The following MYH11 variants were observed in gnomAD, a reference collection of about 807,000 sequenced individuals.
The protein encoded by MYH11 is myosin heavy chain 11, also known as myosin-11.
A neutral mutation model predicts 246.6 loss-of-function variants in MYH11; 80 were observed. The ratio of observed to expected loss-of-function variants is 0.32; its 90% CI spans 0.27 to 0.39. The LOEUF is 0.39. Among genes scored for constraint, MYH11 ranks in the 10% least tolerant of loss-of-function variants. MYH11 has a pLI of 1.00. For missense variants in MYH11, 2,158 were observed against 2,546.8 expected, an observed-to-expected ratio of 0.85 and a Z score of 3.29; for synonymous variants, 1,071 against 1,015.5, an observed-to-expected ratio of 1.05 and a Z score of -1.04.
At chr16:15,781,772 T>A (rs1048997765) in intron 6 of MYH11, among the ~76,000 whole-genome samples, 6 of 152,162 alleles carry the variant, frequency 3.9e-5, no homozygotes, top group East Asian at 3.9e-4. Flanking sequence ...TGGAACCATA[T>A]CTGAACTATT....
chr16:15,704,917 A>C (rs2039366493), intron 40 of MYH11, among the ~76,000 whole-genome samples: 1 of 151,938 alleles, frequency 6.6e-6, no homozygotes, highest in East Asian at 1.9e-4. Context: ...GAGCTCAAGC[A>C]GTTCTCCTAC....
intron 15 of MYH11, among the ~76,000 whole-genome samples, chr16:15,751,868 A>G (rs1028785418): frequency 1.3e-5 from 2 of 151,198 alleles, no homozygotes; most frequent in African/African-American, 4.9e-5. Context: ...GCACAATCTC[A>G]GCTCACTGCA....
chr16:15,740,290 C>A, intron 22 of MYH11, 102 bp from the exon 23 acceptor site: 2 of 1,558,844 alleles, frequency 1.3e-6, no homozygotes, highest in Non-Finnish European at 1.8e-6. Flanking sequence ...TGAAGATGCC[C>A]AGAACTCTGT....
chr16:15,720,806 C>T, intron 33 of MYH11, 33 bp downstream of exon 33: 1 of 1,606,108 alleles, frequency 6.2e-7, no homozygotes, highest in South Asian at 1.1e-5. Context: ...GGCCACCCGA[C>T]CTCCCTCTGC....
intron 40 of MYH11, among the ~76,000 whole-genome samples, chr16:15,706,275 T>C (rs2039449235): frequency 6.6e-6 from 1 of 152,186 alleles, no homozygotes; most frequent in Non-Finnish European, 1.5e-5. Context: ...CTTAAGTCTT[T>C]TTCTTTTTTA....
chr16:15,705,555 C>T (rs572550752), intron 40 of MYH11, among the ~76,000 whole-genome samples: 1 of 152,302 alleles, frequency 6.6e-6, no homozygotes, highest in African/African-American at 2.4e-5. Context: ...CCATCTGGCC[C>T]TGTTTGACCT....
At chr16:15,833,929 A>C (rs1054709212) in intron 2 of MYH11, among the ~76,000 whole-genome samples, 1 of 152,196 alleles carries the variant, frequency 6.6e-6, no homozygotes, top group African/African-American at 2.4e-5. Context: ...AAGGAACAAG[A>C]GAAGAGCGGG....
intron 2 of MYH11, among the ~76,000 whole-genome samples, chr16:15,831,822 CCAGCTACTGGGAGG>C (rs1221150658): frequency 6.6e-6 from 1 of 152,144 alleles, no homozygotes; most frequent in Admixed American, 6.5e-5. Flanking sequence ...GCCTGTAATC[CCAGCTACTGGGAGG>C]CTGAGGCACA....
chr16:15,840,675 T>A (rs1314161354), intron 1 of MYH11, among the ~76,000 whole-genome samples: 3 of 152,222 alleles, frequency 2.0e-5, no homozygotes, highest in Non-Finnish European at 2.9e-5. Context: ...AAGGCTGCAG[T>A]GAGTTGTAAT....
intron 31 of MYH11, among the ~76,000 whole-genome samples, chr16:15,723,268 T>C (rs2040578311): frequency 6.6e-6 from 1 of 152,062 alleles, no homozygotes; most frequent in East Asian, 1.9e-4. Context: ...TGTTGAGGTG[T>C]GGAAGGGGAA....
At position 15,747,652 on chromosome 16, in the gene MYH11, G is replaced by A; in HGVS notation, c.2329C>T (p.His777Tyr). ...KIFFRTGVLA[H>Y]LEEERDLKIT... ...TTCAAATCTCGCTCCTCCTCTAGGTGGGCCAGGACGCCAGTTCGGAAGAAG... is the reference window on the plus strand; with the variant it reads ...TTCAAATCTCGCTCCTCCTCTAGGTAGGCCAGGACGCCAGTTCGGAAGAAG... Residue 777 changes from histidine (H) to tyrosine (Y), a missense_variant, in exon 19 of 41, where the codon CAC (histidine) becomes TAC (tyrosine). His to Tyr is a moderately conservative substitution (Grantham distance 83). This residue lies in a region of MYH11 where 90 missense variants were observed against 144.2 expected (regional missense o/e 0.62). Coordinates refer to ENST00000300036, the MANE Select transcript of MYH11 (RefSeq NM_002474.3). 6.2e-7 allele frequency: 1 copy of A among 1,614,092 alleles called. No homozygotes were observed. Among genetic ancestry groups the A allele is most frequent in the Non-Finnish European group, 8.5e-7 (1 of 1,180,018 alleles).
intron 40 of MYH11, among the ~76,000 whole-genome samples, chr16:15,708,060 C>T (rs1307571343): frequency 6.6e-6 from 1 of 151,986 alleles, no homozygotes; most frequent in African/African-American, 2.4e-5. Flanking sequence ...TGGGTATCCA[C>T]TCCCCAGTCC....
Position 15,737,440 on chromosome 16 carries a change from C to G in MYH11, c.3293+9G>C. ...ACACACAGCAAATGCCCCTTGCCAGCCCCGCTACCTGGCCAGGGCCGCCTG... is the reference window on the plus strand; with the variant it reads ...ACACACAGCAAATGCCCCTTGCCAGGCCCGCTACCTGGCCAGGGCCGCCTG... On this transcript the variant is annotated intron_variant, in intron 25 of 40. Transcript: ENST00000300036. 6.2e-7 allele frequency: 1 copy of G among 1,610,988 alleles called. No homozygotes were observed. The highest frequency in any genetic ancestry group is 8.5e-7 in the Non-Finnish European group (1 of 1,180,006).
intron 2 of MYH11, among the ~76,000 whole-genome samples, chr16:15,835,381 G>A (rs947191390): frequency 4.6e-5 from 7 of 152,270 alleles, no homozygotes; most frequent in African/African-American, 9.6e-5. Flanking sequence ...AGAATGCACC[G>A]CATCTCTGGT....
intron 2 of MYH11, among the ~76,000 whole-genome samples, chr16:15,828,235 G>A (rs1179693719): frequency 2.6e-5 from 4 of 152,190 alleles, no homozygotes; most frequent in South Asian, 2.1e-4. Flanking sequence ...GATGTGCTGC[G>A]AGATAATGCT....
In MYH11 at chr16:15,703,623, CTG is replaced by C. The variant is rs1287671244; in HGVS notation, c.*366_*367del. 4.0e-5 allele frequency: 16 copies of C among 400,016 alleles called. No homozygotes were observed. The highest frequency in any genetic ancestry group is 3.8e-5 in the Non-Finnish European group (8 of 212,482). 24.8% of individuals were successfully genotyped at this position (400,016 alleles called of 1,614,324 possible). Reference sequence around the variant, plus strand: ...GGTGGTGGTGGTTGAGACAGGGTCTCTGTTGCCCAGGCTGGAGTGCAATGATG... The same window carrying C: ...GGTGGTGGTGGTTGAGACAGGGTCTCTTGCCCAGGCTGGAGTGCAATGATG... On this transcript the variant is annotated 3_prime_UTR_variant, in exon 41 of 41. Coordinates refer to ENST00000300036, the MANE Select transcript of MYH11 (RefSeq NM_002474.3).
intron 28 of MYH11, 166 bp downstream of exon 28, chr16:15,726,682 A>ATATT: frequency 1.2e-6 from 1 of 828,428 alleles, no homozygotes; most frequent in Non-Finnish European, 2.0e-6. Context: ...GGTTTTTTTA[A>ATATT]TATTTAATTG....
chr16:15,823,022 C>T (rs1183847540), intron 3 of MYH11, among the ~76,000 whole-genome samples: 2 of 152,390 alleles, frequency 1.3e-5, no homozygotes, highest in South Asian at 2.1e-4. Flanking sequence ...CAGCGAGCCC[C>T]GGAGCTGGAG....
chr16:15,718,188 ACCACCCTCTTGTCCCTCAAT>A, intron 37 of MYH11, 107 bp downstream of exon 37: 3 of 1,489,964 alleles, frequency 2.0e-6, no homozygotes, highest in Non-Finnish European at 2.8e-6. Context: ...CTCAGGCCCC[ACCACCCTCTTGTCCCTCAAT>A]CCAGGGCCTG....
Sources: gnomAD v4.1 joint callset for allele counts (sites outside exome capture counted in the v4.1 genomes callset) on GRCh38, gnomAD v4.1.1 for gene constraint, gnomAD v4.1.1 regional missense constraint, MANE v1.5 for transcripts, NCBI Gene and HGNC (gene_info 2026-07-23, HGNC 2026-07-21) for gene names.